Variants in AEN observed in about 807,000 individuals in gnomAD.
AEN encodes apoptosis-enhancing nuclease.
Under a neutral mutation model 17.7 loss-of-function variants are expected in AEN, and 21 were observed. That is an observed-to-expected ratio of 1.19 (90% confidence interval 0.84 to 1.71). The LOEUF (loss-of-function observed/expected upper bound fraction) is 1.71, where lower values mean the gene tolerates loss of function less well. Ranked by LOEUF, AEN falls within the 40% of genes most tolerant of loss-of-function variation. The pLI, the probability that AEN is intolerant of heterozygous loss-of-function variation, is 0.00. For synonymous variants in AEN, 190 were observed against 173.0 expected (o/e 1.10, Z -0.77); for missense variants, 462 against 435.9 (o/e 1.06, Z -0.53).
chr15:88,613,927 A>G, the AEN span, among the ~76,000 whole-genome samples: 1,254 of 152,288 alleles, frequency 8.2e-3, 23 homozygotes, highest in East Asian at 0.022. Context: ...AGCCTTGTGC[A>G]CCCACAAATC....
At position 88,626,654 on chromosome 15, in the gene AEN, C is replaced by T. The variant is rs564767884; in HGVS notation, c.445C>T (p.Pro149Ser). The change falls in exon 2 of 4, where the codon CCT (proline) becomes TCT (serine). Residue 149 changes from proline (P) to serine (S), a missense_variant. Physicochemically the swap from Pro to Ser is moderately conservative, Grantham distance 74. Coordinates refer to ENST00000332810, the MANE Select transcript of AEN (RefSeq NM_022767.4). ...GNVLYDKYIR[P>S]EMPIADYRTR... ...TGTCCTCTATGACAAGTACATCAGG[C>T]CTGAGATGCCCATCGCTGACTACCG... The T allele has an allele frequency of 4.3e-6, 7 of 1,613,940 alleles. No homozygotes were observed. The East Asian group carries it at 1.6e-4, about 36-fold the overall frequency.
At chr15:88,607,706 C>T in the AEN span, among the ~76,000 whole-genome samples, 190 of 152,306 alleles carry the variant, frequency 1.2e-3, no homozygotes, top group African/African-American at 4.4e-3. Flanking sequence ...CTTTTCTCCT[C>T]TTGTTCTCTT....
chr15:88,613,454 G>C, the AEN span, among the ~76,000 whole-genome samples: 6 of 152,170 alleles, frequency 3.9e-5, no homozygotes, highest in East Asian at 1.9e-4. Context: ...GAGAAGCCCA[G>C]ATTGGGCAGG....
At chr15:88,617,332 C>T (rs1415389206), upstream of AEN, among the ~76,000 whole-genome samples, 1 of 152,164 alleles carries the variant, frequency 6.6e-6, no homozygotes, top group Admixed American at 6.5e-5. Context: ...TGGCTCGCTG[C>T]AACCTCTATC....
In AEN at chr15:88,623,058, G is replaced by A. The variant is rs972183187; in HGVS notation, c.-65+1676G>A. Among the ~76,000 whole-genome samples the A allele has an allele frequency of 4.6e-5, 7 of 152,176 alleles. No homozygotes were observed. The East Asian group carries it at 1.3e-3, about 29-fold the overall frequency. ...CTAGCCTCAGCCCCTCACAGAGAAA[G>A]GAGGGGACTATCCGCCAGCCCCCTT... On this transcript the variant is annotated intron_variant, in intron 1 of 3. Coordinates refer to ENST00000332810, the MANE Select transcript of AEN (RefSeq NM_022767.4).
chr15:88,607,533 G>T, the AEN span, among the ~76,000 whole-genome samples: 9 of 152,150 alleles, frequency 5.9e-5, no homozygotes, highest in African/African-American at 1.9e-4. Flanking sequence ...TGCCATGAAC[G>T]TTCTCTTTCC....
chr15:88,611,587 C>A, the AEN span, among the ~76,000 whole-genome samples: 2 of 152,092 alleles, frequency 1.3e-5, no homozygotes, highest in Admixed American at 6.6e-5. Flanking sequence ...CAGAGCAAGA[C>A]CCTGTCTCAC....
chr15:88,615,843 C>G, the AEN span, among the ~76,000 whole-genome samples: 3 of 152,096 alleles, frequency 2.0e-5, no homozygotes, highest in Non-Finnish European at 4.4e-5. Flanking sequence ...ATGGGGATCC[C>G]CACAGTACCC....
At chr15:88,606,196 G>C in the AEN span, among the ~76,000 whole-genome samples, 2 of 152,096 alleles carry the variant, frequency 1.3e-5, no homozygotes, top group East Asian at 1.9e-4. Flanking sequence ...TAAATCCTGC[G>C]CTCCCCCGTG....
chr15:88,622,323 A>G (rs571763229), intron 1 of AEN, among the ~76,000 whole-genome samples: 23 of 152,334 alleles, frequency 1.5e-4, no homozygotes, highest in African/African-American at 5.5e-4. Context: ...CTCCAGCTTC[A>G]CTGAGCTACA....
the AEN span, among the ~76,000 whole-genome samples, chr15:88,609,691 C>T: frequency 6.6e-6 from 1 of 152,188 alleles, no homozygotes; most frequent in African/African-American, 2.4e-5. Flanking sequence ...ACTACAGCAG[C>T]CTCTTTTATT....
chr15:88,622,449 C>T (rs2057799968), intron 1 of AEN, among the ~76,000 whole-genome samples: 1 of 152,196 alleles, frequency 6.6e-6, no homozygotes, highest in East Asian at 1.9e-4. Context: ...GGCTTTTAAT[C>T]AGCTGGAAGC....
the AEN span, among the ~76,000 whole-genome samples, chr15:88,612,193 C>T: frequency 1.3e-5 from 2 of 152,146 alleles, no homozygotes; most frequent in East Asian, 1.9e-4. Flanking sequence ...TACTAATTCC[C>T]CCAACAATCA....
chr15:88,630,167 G>A lies in AEN; in HGVS notation c.851G>A (p.Cys284Tyr), dbSNP rs118097475. 13,383 of 1,613,866 alleles carry A rather than the reference G, an allele frequency of 8.3e-3. 136 individuals are homozygous for A. The highest frequency in any genetic ancestry group is 0.026 in the South Asian group (2,411 of 91,040). The change falls in exon 4 of 4, where the codon TGC (cysteine) becomes TAC (tyrosine). Residue 284 changes from cysteine (C) to tyrosine (Y), a missense_variant. Transcript: ENST00000332810. The surrounding 1 kb of genome is among the most constrained non-coding windows in gnomAD (Gnocchi z 5.1). ...EQQEARSLWT[C>Y]PEDREPDSST... Reference sequence around the variant, plus strand: ...CAGGAGGCCCGCAGCCTCTGGACCTGCCCCGAGGACAGAGAACCTGACAGC... The same window carrying A: ...CAGGAGGCCCGCAGCCTCTGGACCTACCCCGAGGACAGAGAACCTGACAGC...
the AEN span, among the ~76,000 whole-genome samples, chr15:88,608,901 G>A: frequency 1.3e-5 from 2 of 152,202 alleles, no homozygotes; most frequent in Non-Finnish European, 2.9e-5. Context: ...CACTGGCAAT[G>A]GGCAGGTCTG....
chr15:88,626,428 A>T lies in AEN; in HGVS notation c.219A>T (p.Ala73=). The T allele has an allele frequency of 6.8e-6, 11 of 1,613,506 alleles. No individual in the cohort carries two copies. The highest frequency in any genetic ancestry group is 9.3e-6 in the Non-Finnish European group (11 of 1,179,844). The stretch of plus-strand genomic sequence containing the variant: ...CCACCCCTTTCGGGGCAGCGACAGC[A>T]ACTGAAGCTGCCAGCAGTGGGAAGC... The part of the protein sequence containing the change: ...PLPTPFGAAT[A]TEAASSGKQC... The change falls in exon 2 of 4, where the codon GCA becomes GCT. Residue 73 remains alanine (A), a synonymous_variant. Transcript: ENST00000332810.
the AEN span, among the ~76,000 whole-genome samples, chr15:88,613,444 G>A: frequency 6.6e-6 from 1 of 152,190 alleles, no homozygotes; most frequent in Admixed American, 6.5e-5. Context: ...CACAGCGGGA[G>A]AGAAGCCCAG....
Position 88,631,184 on chromosome 15 carries a change from C to T in AEN, c.*890C>T. On this transcript the variant is annotated 3_prime_UTR_variant, in exon 4 of 4. Coordinates refer to ENST00000332810, the MANE Select transcript of AEN (RefSeq NM_022767.4). The stretch of plus-strand genomic sequence containing the variant: ...TCTGGGGCCTTTGTGTAGGATTGTG[C>T]CTGACCTTTATTTATTTATTAACAG... The T allele has an allele frequency of 2.2e-6, 1 of 456,582 alleles. No homozygotes were observed. Among genetic ancestry groups the T allele is most frequent in the Non-Finnish European group, 4.4e-6 (1 of 226,912 alleles). 28.3% of individuals were successfully genotyped at this position (456,582 alleles called of 1,614,324 possible).
intron 1 of AEN, among the ~76,000 whole-genome samples, chr15:88,623,981 A>T (rs1039556293): frequency 6.6e-6 from 1 of 152,202 alleles, no homozygotes; most frequent in Admixed American, 6.5e-5. Context: ...TAACATGGCC[A>T]CTGATTCTTC....
Sources: gnomAD v4.1 joint callset for allele counts (sites outside exome capture counted in the v4.1 genomes callset) on GRCh38, gnomAD v4.1.1 for gene constraint, Gnocchi (gnomAD v3.1) non-coding constraint, MANE v1.5 for transcripts, NCBI Gene and HGNC (gene_info 2026-07-23, HGNC 2026-07-21) for gene names.